MAPK10: variants seen among roughly 807,000 people sequenced by gnomAD.
MAPK10 encodes mitogen-activated protein kinase 10.
MAPK10 carries 25 observed loss-of-function variants against 59.3 expected under a neutral mutation model. The ratio of observed to expected loss-of-function variants is 0.42; its 90% CI spans 0.31 to 0.59. The LOEUF (loss-of-function observed/expected upper bound fraction) is 0.59, where lower values mean the gene tolerates loss of function less well. Ranked by LOEUF, MAPK10 falls within the 20% of genes least tolerant of loss-of-function variation. MAPK10 has a pLI of 0.15. For missense variants in MAPK10, 351 were observed against 568.9 expected, an observed-to-expected ratio of 0.62 and a Z score of 3.90; for synonymous variants, 190 against 200.5, an observed-to-expected ratio of 0.95 and a Z score of 0.44.
intron 2 of MAPK10, among the ~76,000 whole-genome samples, chr4:86,260,801 A>T (rs1260374979): frequency 6.6e-6 from 1 of 152,176 alleles, no homozygotes; most frequent in Non-Finnish European, 1.5e-5. Flanking sequence ...AGTCCACTAT[A>T]ATATGAATTA....
At chr4:86,040,670 T>C (rs531299422) in intron 11 of MAPK10, among the ~76,000 whole-genome samples, 3 of 152,180 alleles carry the variant, frequency 2.0e-5, no homozygotes, top group South Asian at 2.1e-4. Flanking sequence ...CACCAAGATA[T>C]ATCATAATGA....
At chr4:86,361,529 A>G (rs908590310), upstream of MAPK10, among the ~76,000 whole-genome samples, 7 of 152,154 alleles carry the variant, frequency 4.6e-5, no homozygotes, top group African/African-American at 1.7e-4. Flanking sequence ...TCCCATGGAA[A>G]TTAAATCAGT....
At chr4:86,025,882 A>G (rs1483779016) in intron 13 of MAPK10, among the ~76,000 whole-genome samples, 1 of 152,204 alleles carries the variant, frequency 6.6e-6, no homozygotes, top group East Asian at 1.9e-4. Flanking sequence ...CAATCCCAAC[A>G]ACAACAAAAA....
At chr4:86,420,441 A>AACG (rs1746366591) in intron 1 of MAPK10, among the ~76,000 whole-genome samples, 2 of 152,320 alleles carry the variant, frequency 1.3e-5, no homozygotes, top group Admixed American at 6.5e-5. Flanking sequence ...TCCAAGGAAT[A>AACG]ACGGTAACCC....
intron 1 of MAPK10, among the ~76,000 whole-genome samples, chr4:86,585,740 G>A (rs1762614576): frequency 6.6e-6 from 1 of 152,144 alleles, no homozygotes; most frequent in Admixed American, 6.5e-5. Context: ...TCGTAAGTCT[G>A]GGTTTGGCTC....
At chr4:86,486,054 G>C (rs1579369802) in intron 1 of MAPK10, among the ~76,000 whole-genome samples, 1 of 152,298 alleles carries the variant, frequency 6.6e-6, no homozygotes, top group African/African-American at 2.4e-5. Context: ...TTTTAGATTT[G>C]GGGAGATGAT....
intron 2 of MAPK10, among the ~76,000 whole-genome samples, chr4:86,277,941 C>T (rs948994790): frequency 2.0e-5 from 3 of 151,856 alleles, no homozygotes; most frequent in Admixed American, 2.0e-4. Flanking sequence ...CCTAAGGATG[C>T]AAAAAATTAA....
intron 4 of MAPK10, among the ~76,000 whole-genome samples, chr4:86,135,179 C>T (rs1363526234): frequency 6.6e-6 from 1 of 152,202 alleles, no homozygotes; most frequent in African/African-American, 2.4e-5. Flanking sequence ...TGGGTGGAGC[C>T]CACCACAGCT....
At chr4:86,142,274 G>C (rs2063799522) in intron 4 of MAPK10, among the ~76,000 whole-genome samples, 1 of 152,172 alleles carries the variant, frequency 6.6e-6, no homozygotes, top group African/African-American at 2.4e-5. Context: ...TGCATCGGTA[G>C]GGTTTGCTAA....
intron 1 of MAPK10, among the ~76,000 whole-genome samples, chr4:86,409,638 T>C (rs993118247): frequency 6.6e-6 from 1 of 152,220 alleles, no homozygotes; most frequent in Non-Finnish European, 1.5e-5. Context: ...TTTGGATTCC[T>C]AGGTATTTTA....
chr4:86,038,151 A>G (rs970393377), intron 11 of MAPK10, among the ~76,000 whole-genome samples: 1 of 152,218 alleles, frequency 6.6e-6, no homozygotes, highest in Non-Finnish European at 1.5e-5. Flanking sequence ...TGAGCCCTGA[A>G]CTGACATTTT....
intron 1 of MAPK10, among the ~76,000 whole-genome samples, chr4:86,573,236 C>A (rs74772036): frequency 0.047 from 7,127 of 152,238 alleles, 222 homozygotes; most frequent in African/African-American, 0.059. Flanking sequence ...TTTCCCCTAG[C>A]AATTTATATC....
intron 9 of MAPK10, among the ~76,000 whole-genome samples, chr4:86,083,925 A>G (rs1051344389): frequency 3.3e-5 from 5 of 152,158 alleles, no homozygotes; most frequent in Admixed American, 1.3e-4. Context: ...CCCAGTTCCC[A>G]GATGATATTT....
intron 5 of MAPK10, among the ~76,000 whole-genome samples, chr4:86,104,374 T>G (rs1478075987): frequency 1.3e-5 from 2 of 152,144 alleles, no homozygotes; most frequent in Non-Finnish European, 2.9e-5. Context: ...GTGTGGAATA[T>G]TCATATAGAA....
intron 9 of MAPK10, among the ~76,000 whole-genome samples, chr4:86,087,770 G>A (rs1420486074): frequency 6.6e-6 from 1 of 151,882 alleles, no homozygotes; most frequent in Non-Finnish European, 1.5e-5. Context: ...TATGTAGAGA[G>A]AATATATGTA....
intron 1 of MAPK10, among the ~76,000 whole-genome samples, chr4:86,487,276 T>C (rs1047724260): frequency 2.6e-5 from 4 of 152,108 alleles, no homozygotes; most frequent in African/African-American, 7.2e-5. Flanking sequence ...ATACCTTTTT[T>C]TCTTAGGAAA....
intron 1 of MAPK10, among the ~76,000 whole-genome samples, chr4:86,449,570 C>T (rs1001072587): frequency 2.0e-5 from 3 of 152,162 alleles, no homozygotes; most frequent in Non-Finnish European, 4.4e-5. Flanking sequence ...TTTGGGTATA[C>T]TAAGTATGGT....
At chr4:86,289,472 C>A (rs1375259799) in intron 2 of MAPK10, among the ~76,000 whole-genome samples, 3 of 151,544 alleles carry the variant, frequency 2.0e-5, no homozygotes, top group Non-Finnish European at 2.9e-5. Flanking sequence ...GAGACAGTTT[C>A]TATATTTATG....
chr4:86,026,269 A>AT (rs142717468), intron 13 of MAPK10, among the ~76,000 whole-genome samples: 22 of 152,252 alleles, frequency 1.4e-4, no homozygotes, highest in Admixed American at 2.6e-4. Flanking sequence ...GCTCTCCTGT[A>AT]TTTTTTCTAG....
Sources: gnomAD v4.1 joint callset for allele counts (sites outside exome capture counted in the v4.1 genomes callset) on GRCh38, gnomAD v4.1.1 for gene constraint, MANE v1.5 for transcripts, NCBI Gene and HGNC (gene_info 2026-07-23, HGNC 2026-07-21) for gene names.